The following RANBP2 variants were observed in gnomAD, a reference collection of about 807,000 sequenced individuals.
The protein encoded by RANBP2 is RAN binding protein 2.
A neutral mutation model predicts 303.6 loss-of-function variants in RANBP2; 57 were observed. That is an observed-to-expected ratio of 0.19 (90% confidence interval 0.15 to 0.23). The LOEUF is 0.23. Among genes scored for constraint, RANBP2 ranks in the 10% least tolerant of loss-of-function variants. The pLI is 1.00. For missense variants in RANBP2, 3,138 were observed against 3,780.8 expected (o/e 0.83, Z 4.46); for synonymous variants, 1,167 against 1,301.5 (o/e 0.90, Z 2.23).
chr2:109,465,262 T>C, the RANBP2 span, among the ~76,000 whole-genome samples: 2 of 152,262 alleles, frequency 1.3e-5, no homozygotes, highest in Admixed American at 6.5e-5. Context: ...TTGGCAGTTA[T>C]GAATACAGCC....
At chr2:108,827,184 A>G in the RANBP2 span, among the ~76,000 whole-genome samples, 1 of 152,166 alleles carries the variant, frequency 6.6e-6, no homozygotes. Context: ...AGGCAGACCT[A>G]TTTTCATCAC....
the RANBP2 span, among the ~76,000 whole-genome samples, chr2:108,985,448 G>T: frequency 6.6e-6 from 1 of 152,256 alleles, no homozygotes; most frequent in Non-Finnish European, 1.5e-5. Context: ...ACCGCCACAG[G>T]TGCATCTTCC....
At chr2:109,180,859 T>A in the RANBP2 span, among the ~76,000 whole-genome samples, 3 of 152,196 alleles carry the variant, frequency 2.0e-5, no homozygotes, top group Non-Finnish European at 2.9e-5. Flanking sequence ...TCACAGGGGC[T>A]TCAGGGGCTG....
the RANBP2 span, among the ~76,000 whole-genome samples, chr2:109,106,270 A>G: frequency 1.3e-5 from 2 of 152,200 alleles, no homozygotes; most frequent in Non-Finnish European, 2.9e-5. Flanking sequence ...GGAGGCAAGA[A>G]TCGAGTTGCT....
chr2:109,136,092 T>C, the RANBP2 span, among the ~76,000 whole-genome samples: 2 of 152,196 alleles, frequency 1.3e-5, no homozygotes, highest in Non-Finnish European at 2.9e-5. Flanking sequence ...CTCCTGGCTT[T>C]TGAGAGCCTG....
chr2:109,777,461 T>A, the RANBP2 span, among the ~76,000 whole-genome samples: 1 of 134,398 alleles, frequency 7.4e-6, no homozygotes, highest in African/African-American at 2.8e-5. Context: ...TCCTTTTATA[T>A]ATCACTGGAT....
chr2:109,438,357 G>T, the RANBP2 span, among the ~76,000 whole-genome samples: 2 of 152,150 alleles, frequency 1.3e-5, no homozygotes, highest in Admixed American at 6.5e-5. Context: ...AACTTTGGGT[G>T]CCCAATGTCT....
the RANBP2 span, among the ~76,000 whole-genome samples, chr2:108,952,083 T>A: frequency 2.0e-5 from 3 of 152,202 alleles, no homozygotes; most frequent in Non-Finnish European, 4.4e-5. Flanking sequence ...TGACGGAAGG[T>A]CAAAAGGGAG....
At chr2:108,761,515 A>C (rs2949967) in intron 18 of RANBP2, among the ~76,000 whole-genome samples, 5 of 152,212 alleles carry the variant, frequency 3.3e-5, no homozygotes, top group African/African-American at 1.2e-4. Flanking sequence ...TAAAACACAC[A>C]AAACAGAGGG....
At chr2:109,243,523 G>A in the RANBP2 span, among the ~76,000 whole-genome samples, 4 of 152,198 alleles carry the variant, frequency 2.6e-5, no homozygotes, top group South Asian at 6.2e-4. Flanking sequence ...GTCAGATGGG[G>A]CAGGTGACAT....
chr2:108,764,028 G>T lies in RANBP2; in HGVS notation c.3489G>T (p.Gly1163=). The T allele has an allele frequency of 6.2e-7, 1 of 1,613,904 alleles. No homozygotes were observed. The highest frequency in any genetic ancestry group is 8.5e-7 in the Non-Finnish European group (1 of 1,179,860). ...NHETDGGSAH[G]DDDDDGPHFE... is the part of the protein sequence containing the mutation. ...AGACAGATGGAGGAAGTGCCCATGG[G>T]GATGATGATGATGACGGTCCTCACT... Residue 1163 remains glycine (G), a synonymous_variant, in exon 20 of 29, where the codon GGG becomes GGT. Coordinates refer to ENST00000283195, the MANE Select transcript of RANBP2 (RefSeq NM_006267.5).
the RANBP2 span, among the ~76,000 whole-genome samples, chr2:109,205,031 T>C: frequency 4.6e-5 from 7 of 152,124 alleles, no homozygotes; most frequent in African/African-American, 1.7e-4. Flanking sequence ...AACATAGTGA[T>C]ACCCTGTCTC....
chr2:109,437,187 G>A, the RANBP2 span: 1 of 1,562,268 alleles, frequency 6.4e-7, no homozygotes, highest in Non-Finnish European at 8.7e-7. Flanking sequence ...CATCAACAAG[G>A]GGGCTTCCTG....
the RANBP2 span, among the ~76,000 whole-genome samples, chr2:109,471,058 A>G: frequency 6.6e-6 from 1 of 152,088 alleles, no homozygotes; most frequent in African/African-American, 2.4e-5. Context: ...CATCTCCACT[A>G]AAAACACAAA....
the RANBP2 span, among the ~76,000 whole-genome samples, chr2:108,861,281 T>G: frequency 1.3e-5 from 2 of 151,906 alleles, no homozygotes; most frequent in Non-Finnish European, 2.9e-5. Flanking sequence ...AAAAAACACT[T>G]TTTCATTTCG....
the RANBP2 span, among the ~76,000 whole-genome samples, chr2:109,479,071 C>A: frequency 2.6e-5 from 4 of 152,294 alleles, no homozygotes; most frequent in Admixed American, 1.3e-4. Context: ...TGGCTGGAAC[C>A]TTGGCCGGGC....
the RANBP2 span, among the ~76,000 whole-genome samples, chr2:109,082,091 G>A: frequency 2.6e-5 from 4 of 152,198 alleles, no homozygotes; most frequent in Non-Finnish European, 5.9e-5. Context: ...CTCTACCCAT[G>A]CTTCAGCTGC....
the RANBP2 span, among the ~76,000 whole-genome samples, chr2:109,706,893 C>T: frequency 4.0e-4 from 61 of 152,260 alleles, 1 homozygote; most frequent in East Asian, 6.2e-3. Flanking sequence ...TGCATTGATG[C>T]GAGTCCCCTA....
At chr2:108,809,969 C>A in the RANBP2 span, among the ~76,000 whole-genome samples, 2 of 152,118 alleles carry the variant, frequency 1.3e-5, no homozygotes, top group African/African-American at 4.8e-5. Flanking sequence ...CCACATCTGG[C>A]CAATTTTTGT....
Sources: allele counts gnomAD v4.1 joint callset (sites outside exome capture counted in the v4.1 genomes callset), GRCh38; gene constraint gnomAD v4.1.1; transcripts MANE v1.5; gene names NCBI Gene and HGNC (gene_info 2026-07-23, HGNC 2026-07-21).